Variants in CTNNA1 observed in about 807,000 individuals in gnomAD.
CTNNA1 encodes the protein catenin alpha-1.
A neutral mutation model predicts 98.4 loss-of-function variants in CTNNA1; 37 were observed. The observed-to-expected ratio is 0.38, with a 90% CI of 0.29 to 0.49. CTNNA1 has a LOEUF of 0.49. Among genes scored for constraint, CTNNA1 ranks in the 20% least tolerant of loss-of-function variants. The probability of loss-of-function intolerance (pLI) is 0.95; values close to 1 mark genes in which losing one functional copy is unlikely to be tolerated. For missense variants in CTNNA1, 761 were observed against 1,147.2 expected, an observed-to-expected ratio of 0.66 and a Z score of 4.86; for synonymous variants, 404 against 413.2, an observed-to-expected ratio of 0.98 and a Z score of 0.27.
intron 10 of CTNNA1, among the ~76,000 whole-genome samples, chr5:138,913,583 C>CAA (rs66895615): frequency 3.1e-5 from 4 of 130,084 alleles, no homozygotes; most frequent in African/African-American, 8.2e-5. Context: ...GACCCTGTCT[C>CAA]AAAAAAAAAA....
chr5:138,844,345 T>A (rs1429859205), intron 7 of CTNNA1, among the ~76,000 whole-genome samples: 2 of 152,160 alleles, frequency 1.3e-5, no homozygotes, highest in Non-Finnish European at 2.9e-5. Context: ...AAACCTTTTG[T>A]CTCTTAGCTG....
chr5:138,886,979 A>G (rs895541771), intron 8 of CTNNA1, among the ~76,000 whole-genome samples: 6 of 152,184 alleles, frequency 3.9e-5, no homozygotes, highest in Non-Finnish European at 7.4e-5. Context: ...GATAAAATAT[A>G]TCTTTATTCA....
At chr5:138,786,864 C>T (rs1485382859) in intron 3 of CTNNA1, among the ~76,000 whole-genome samples, 2 of 152,166 alleles carry the variant, frequency 1.3e-5, no homozygotes, top group East Asian at 3.8e-4. Flanking sequence ...TTTTAAGCTG[C>T]CACCTCTTGG....
At chr5:138,820,136 A>G (rs1346777814) in intron 5 of CTNNA1, among the ~76,000 whole-genome samples, 1 of 150,086 alleles carries the variant, frequency 6.7e-6, no homozygotes, top group Non-Finnish European at 1.5e-5. Context: ...AGTATGGGCT[A>G]ATACAGGGAG....
At chr5:138,926,206 A>G (rs1471621463) in intron 13 of CTNNA1, among the ~76,000 whole-genome samples, 1 of 152,040 alleles carries the variant, frequency 6.6e-6, no homozygotes, top group African/African-American at 2.4e-5. Flanking sequence ...CTTTGAGTCT[A>G]CTGTGGGGTC....
chr5:138,885,619 G>A (rs1753863602), intron 7 of CTNNA1, among the ~76,000 whole-genome samples: 1 of 152,104 alleles, frequency 6.6e-6, no homozygotes, highest in Non-Finnish European at 1.5e-5. Flanking sequence ...GTTCTTTTCT[G>A]TGCAATATAA....
intron 6 of CTNNA1, among the ~76,000 whole-genome samples, chr5:138,825,482 G>GTTTTTTTTTTTT (rs756586452): frequency 0.025 from 1,813 of 73,982 alleles, 470 homozygotes; most frequent in African/African-American, 0.1. Flanking sequence ...AGCAGTATAA[G>GTTTTTTTTTTTT]TTTTTTTTTT....
intron 10 of CTNNA1, among the ~76,000 whole-genome samples, chr5:138,911,688 T>A (rs1760664255): frequency 6.6e-6 from 1 of 152,204 alleles, no homozygotes; most frequent in Non-Finnish European, 1.5e-5. Context: ...ATTTCAGAAT[T>A]CTGATGTCCA....
chr5:138,773,516 T>C (rs1238163064), intron 1 of CTNNA1, among the ~76,000 whole-genome samples: 1 of 152,116 alleles, frequency 6.6e-6, no homozygotes, highest in African/African-American at 2.4e-5. Context: ...AAAAACAAGC[T>C]CCTTGGCACT....
chr5:138,760,430 C>T (rs2149576599), intron 1 of CTNNA1, among the ~76,000 whole-genome samples: 1 of 142,874 alleles, frequency 7.0e-6, no homozygotes, highest in Admixed American at 7.2e-5. Flanking sequence ...GTGGTGCGAT[C>T]TTGGCTCACC....
chr5:138,786,406 A>G (rs899445888), intron 3 of CTNNA1, among the ~76,000 whole-genome samples: 2 of 152,294 alleles, frequency 1.3e-5, no homozygotes, highest in African/African-American at 2.4e-5. Context: ...CTTGTTGGCT[A>G]TGTCGTTGAA....
At chr5:138,908,041 A>ATG (rs1351969619) in intron 10 of CTNNA1, among the ~76,000 whole-genome samples, 37 of 151,460 alleles carry the variant, frequency 2.4e-4, no homozygotes, top group South Asian at 1.7e-3. Flanking sequence ...GCAGTGGTGC[A>ATG]ATCTCGGCTC....
intron 1 of CTNNA1, among the ~76,000 whole-genome samples, chr5:138,762,680 T>C (rs1366087601): frequency 6.6e-6 from 1 of 152,016 alleles, no homozygotes; most frequent in African/African-American, 2.4e-5. Flanking sequence ...GAGTAATGCA[T>C]GTAATGTAAA....
chr5:138,780,808 G>A (rs557591727), intron 1 of CTNNA1, among the ~76,000 whole-genome samples: 1 of 152,240 alleles, frequency 6.6e-6, no homozygotes, highest in East Asian at 1.9e-4. Context: ...GAGCCACCAC[G>A]CCCAGCCTTT....
chr5:138,817,572 C>T (rs1320874013), intron 5 of CTNNA1, among the ~76,000 whole-genome samples: 1 of 152,106 alleles, frequency 6.6e-6, no homozygotes, highest in Non-Finnish European at 1.5e-5. Context: ...TTAATGCTAT[C>T]CTATAAGTTT....
intron 16 of CTNNA1, 106 bp downstream of exon 16, chr5:138,931,041 C>T (rs948249277): frequency 5.7e-6 from 4 of 704,888 alleles, no homozygotes; most frequent in African/African-American, 5.3e-5. Context: ...ACTTTTGCCA[C>T]TCATCTCTAA....
At chr5:138,798,292 CAGCT>C (rs1208780708) in intron 3 of CTNNA1, among the ~76,000 whole-genome samples, 3 of 152,140 alleles carry the variant, frequency 2.0e-5, no homozygotes, top group Non-Finnish European at 4.4e-5. Flanking sequence ...GAAAAGAAAA[CAGCT>C]AGAGATAAAA....
At position 138,824,630 on chromosome 5, in the gene CTNNA1, A is replaced by T. The variant is rs766853123; in HGVS notation, c.689A>T (p.Gln230Leu). 11 of 1,614,258 alleles carry T rather than the reference A, an allele frequency of 6.8e-6. No individual in the cohort carries two copies. The highest frequency in any genetic ancestry group is 9.3e-6 in the Non-Finnish European group (11 of 1,180,050). ...TATACTGCATCCCAGGCATGCCTAC[A>T]GCACCCTGATGTCGCAGCCTATAAG... The part of the protein sequence containing the change: ...ILYTASQACL[Q>L]HPDVAAYKAN... Residue 230 changes from glutamine (Q) to leucine (L), a missense_variant, in exon 6 of 18, where the codon CAG (glutamine) becomes CTG (leucine). Gln to Leu is a moderately radical substitution (Grantham distance 113). Coordinates refer to ENST00000302763, the MANE Select transcript of CTNNA1 (RefSeq NM_001903.5).
chr5:138,893,793 T>G (rs145400217), intron 9 of CTNNA1, among the ~76,000 whole-genome samples: 1,684 of 152,068 alleles, frequency 0.011, 26 homozygotes, highest in African/African-American at 0.039. Context: ...CCACGTAATT[T>G]TTGTATTTTT....
Sources: gnomAD v4.1 joint callset for allele counts (sites outside exome capture counted in the v4.1 genomes callset) on GRCh38, gnomAD v4.1.1 for gene constraint, MANE v1.5 for transcripts, NCBI Gene and HGNC (gene_info 2026-07-23, HGNC 2026-07-21) for gene names.